ATP6V1E1: variants seen among roughly 807,000 people sequenced by gnomAD.
ATP6V1E1 encodes the protein V-type proton ATPase subunit E 1.
In ATP6V1E1, 21 loss-of-function variants were observed where a neutral mutation model predicts 35.2. The observed-to-expected ratio is 0.60, with a 90% CI of 0.42 to 0.86. ATP6V1E1 has a LOEUF of 0.86. Among genes scored for constraint, ATP6V1E1 ranks in the 40% least tolerant of loss-of-function variants. The pLI is 0.00. For synonymous variants in ATP6V1E1, 83 were observed against 87.8 expected (o/e 0.95, Z 0.30); for missense variants, 183 against 272.6 (o/e 0.67, Z 2.32).
At chr22:17,613,428 A>C in intron 2 of ATP6V1E1, 108 bp from the exon 3 acceptor site, 3 of 799,060 alleles carry the variant, frequency 3.8e-6, no homozygotes, top group Non-Finnish European at 6.1e-6. Context: ...TTCATATATA[A>C]AACAGAAAAT....
Position 17,619,566 on chromosome 22 carries a change from T to C in ATP6V1E1, c.34-40A>G, listed in dbSNP as rs570507848. Reference sequence around the variant, plus strand: ...AGTTTTATTTTTTAGTTCAAAAATATGGAAATATCTTTTCTGATTCATTGA... The same window carrying C: ...AGTTTTATTTTTTAGTTCAAAAATACGGAAATATCTTTTCTGATTCATTGA... On this transcript the variant is annotated intron_variant, in intron 1 of 8. Transcript: ENST00000253413. 788 of 1,452,582 alleles carry C rather than the reference T, an allele frequency of 5.4e-4. 13 individuals carry two copies. In the South Asian group the frequency reaches 9.5e-3, roughly 17 times the overall value. The allele number at this position is 1,452,582 out of a possible 1,614,324, so 90.0% of individuals were successfully genotyped here.
intron 2 of ATP6V1E1, chr22:17,618,986 C>G (rs1373726073): frequency 4.4e-6 from 2 of 451,630 alleles, no homozygotes; most frequent in Admixed American, 2.4e-5. Context: ...AGTGACGAAG[C>G]GAGACTGTCT....
chr22:17,599,349 G>C (rs539877951), intron 6 of ATP6V1E1, among the ~76,000 whole-genome samples: 1 of 151,334 alleles, frequency 6.6e-6, no homozygotes, highest in African/African-American at 2.4e-5. Flanking sequence ...GGCTGAGACA[G>C]GCAGGTCACA....
chr22:17,616,674 C>T (rs1302590471), intron 2 of ATP6V1E1, among the ~76,000 whole-genome samples: 3 of 126,926 alleles, frequency 2.4e-5, no homozygotes, highest in Non-Finnish European at 4.8e-5. Context: ...AATGAAACTC[C>T]GGCTCAAAAA....
rs146936026 is a variant in ATP6V1E1 at position 17,624,478 on chromosome 22, C to T, written c.33+4125G>A. Among the ~76,000 whole-genome samples, 1,219 of 152,122 alleles carry T rather than the reference C, an allele frequency of 8.0e-3. 22 individuals are homozygous for T. Among genetic ancestry groups the T allele is most frequent in the African/African-American group, 0.028 (1,161 of 41,510 alleles). Reference sequence around the variant, plus strand: ...CTGATGCAGGAGGATCGCTTGAACCCGGGAGGCAGAGGCTGCAGTGAGCTG... The same window carrying T: ...CTGATGCAGGAGGATCGCTTGAACCTGGGAGGCAGAGGCTGCAGTGAGCTG... On this transcript the variant is annotated intron_variant, in intron 1 of 8. Transcript: ENST00000253413.
chr22:17,623,782 T>A (rs1025860717), intron 1 of ATP6V1E1, among the ~76,000 whole-genome samples: 3 of 152,188 alleles, frequency 2.0e-5, no homozygotes, highest in African/African-American at 7.2e-5. Context: ...AGCACTCTGC[T>A]GCACCCTTGG....
chr22:17,618,364 T>C (rs1391884405), intron 2 of ATP6V1E1, among the ~76,000 whole-genome samples: 1 of 152,038 alleles, frequency 6.6e-6, no homozygotes, highest in Non-Finnish European at 1.5e-5. Flanking sequence ...CAATGAGGAA[T>C]TTATTAAGGT....
At chr22:17,622,966 C>CA (rs910241101) in intron 1 of ATP6V1E1, among the ~76,000 whole-genome samples, 44 of 151,258 alleles carry the variant, frequency 2.9e-4, no homozygotes, top group Non-Finnish European at 4.6e-4. Flanking sequence ...AACTCCGTCT[C>CA]AAAAAAAACA....
At chr22:17,596,414 G>A (rs1307955270) in intron 7 of ATP6V1E1, among the ~76,000 whole-genome samples, 1 of 152,078 alleles carries the variant, frequency 6.6e-6, no homozygotes, top group African/African-American at 2.4e-5. Context: ...GGTATGATAG[G>A]GAGTCTGGTT....
At chr22:17,600,713 G>C (rs1480501580) in intron 5 of ATP6V1E1, 3 of 157,678 alleles carry the variant, frequency 1.9e-5, no homozygotes, top group African/African-American at 7.2e-5. Context: ...TCACAGCTCA[G>C]CAGTAAACAA....
chr22:17,594,619 G>GA lies in ATP6V1E1; in HGVS notation c.531-4_531-3insT. On this transcript the variant is annotated splice_polypyrimidine_tract_variant and splice_region_variant and intron_variant, in intron 7 of 8. Coordinates refer to ENST00000253413, the MANE Select transcript of ATP6V1E1 (RefSeq NM_001696.4). ...TATAGATCTCAACTCCACCAGCTCT[G>GA]CAAAAAAAAAAGCACAGGAAATAAT... The GA allele has an allele frequency of 6.6e-7, 1 of 1,515,040 alleles. No homozygotes were observed. Among genetic ancestry groups the GA allele is most frequent in the Non-Finnish European group, 8.7e-7 (1 of 1,143,114 alleles). 93.8% of individuals were successfully genotyped at this position (1,515,040 alleles called of 1,614,324 possible). A position where few individuals can be genotyped will look rare whatever the true frequency, so the allele number is the denominator to read the frequency against.
intron 4 of ATP6V1E1, among the ~76,000 whole-genome samples, chr22:17,607,702 A>G (rs1407977776): frequency 6.6e-6 from 1 of 152,168 alleles, no homozygotes. Flanking sequence ...ACCATTAAAC[A>G]CTATTTCTCA....
Position 17,596,136 on chromosome 22 carries a change from T to A in ATP6V1E1, c.531-1520A>T, listed in dbSNP as rs578128032. On this transcript the variant is annotated intron_variant, in intron 7 of 8. Coordinates refer to ENST00000253413, the MANE Select transcript of ATP6V1E1 (RefSeq NM_001696.4). ...GAGAGTGAGACTCTGTCTCAAAAAATAAATAAATAAATAAATAAGATAAAA... is the reference window on the plus strand; with the variant it reads ...GAGAGTGAGACTCTGTCTCAAAAAAAAAATAAATAAATAAATAAGATAAAA... Among the ~76,000 whole-genome samples, 171 of 151,854 alleles carry A rather than the reference T, an allele frequency of 1.1e-3. 1 individual carries two copies. In the East Asian group the frequency reaches 0.014, roughly 12 times the overall value.
intron 2 of ATP6V1E1, among the ~76,000 whole-genome samples, chr22:17,615,234 G>A (rs1045266801): frequency 6.6e-6 from 1 of 152,172 alleles, no homozygotes. Flanking sequence ...CCAGGAGGCA[G>A]AGATTACAGT....
At chr22:17,605,049 C>T (rs1231618014) in intron 4 of ATP6V1E1, among the ~76,000 whole-genome samples, 2 of 150,198 alleles carry the variant, frequency 1.3e-5, no homozygotes, top group Non-Finnish European at 3.0e-5. Context: ...AACCCTGTCT[C>T]TACCTAAAAT....
intron 6 of ATP6V1E1, 44 bp from the exon 7 acceptor site, chr22:17,598,332 A>C: frequency 6.7e-7 from 1 of 1,482,056 alleles, no homozygotes. Context: ...AGGAACTATG[A>C]AGCAAGTATC....
chr22:17,601,636 T>C (rs2057762547), intron 4 of ATP6V1E1, among the ~76,000 whole-genome samples: 2 of 152,226 alleles, frequency 1.3e-5, no homozygotes, highest in South Asian at 4.1e-4. Context: ...AGATGGAGTT[T>C]CACTCTTCTA....
At chr22:17,598,038 A>G in intron 7 of ATP6V1E1, 156 bp downstream of exon 7, 1 of 637,238 alleles carries the variant, frequency 1.6e-6, no homozygotes, top group South Asian at 1.9e-5. Flanking sequence ...GCACTGCGAG[A>G]ACAACAGGAA....
At chr22:17,618,530 A>C (rs895164535) in intron 2 of ATP6V1E1, among the ~76,000 whole-genome samples, 33 of 151,804 alleles carry the variant, frequency 2.2e-4, no homozygotes, top group African/African-American at 6.8e-4. Context: ...AAAATACAAA[A>C]AATTAGCCAG....
Sources: allele counts gnomAD v4.1 joint callset (sites outside exome capture counted in the v4.1 genomes callset), GRCh38; gene constraint gnomAD v4.1.1; transcripts MANE v1.5; gene names NCBI Gene and HGNC (gene_info 2026-07-23, HGNC 2026-07-21).